Variants in TECPR2 observed in about 807,000 individuals in gnomAD.
The protein encoded by TECPR2 is tectonin beta-propeller repeat-containing protein 2.
In TECPR2, 65 loss-of-function variants were observed where a neutral mutation model predicts 138.1. That is an observed-to-expected ratio of 0.47 (90% confidence interval 0.39 to 0.58). TECPR2 has a LOEUF of 0.58. Among genes scored for constraint, TECPR2 ranks in the 20% least tolerant of loss-of-function variants. The pLI is 0.00. For synonymous variants in TECPR2, 746 were observed against 749.8 expected, an observed-to-expected ratio of 0.99 and a Z score of 0.08; for missense variants, 1,553 against 1,824.5, an observed-to-expected ratio of 0.85 and a Z score of 2.71.
chr14:102,377,238 C>G (rs561667159), intron 2 of TECPR2, among the ~76,000 whole-genome samples: 1 of 152,288 alleles, frequency 6.6e-6, no homozygotes, highest in South Asian at 2.1e-4. Context: ...TCATTGTAGC[C>G]TCAAACTCCT....
In TECPR2 at chr14:102,498,528, G is replaced by A. The variant is rs925528542; in HGVS notation, c.*271G>A. On this transcript the variant is annotated 3_prime_UTR_variant, in exon 20 of 20. Transcript: ENST00000359520. ...GGCTGCATGCACTCCGATTACCCAC[G>A]TGCTGCCGTCCTGGTCTCATCCACA... 2.5e-5 allele frequency: 13 copies of A among 529,074 alleles called. No individual in the cohort carries two copies. The highest frequency in any genetic ancestry group is 4.2e-5 in the South Asian group (2 of 47,886). 32.8% of individuals were successfully genotyped at this position (529,074 alleles called of 1,614,324 possible). A position where few individuals can be genotyped will look rare whatever the true frequency, so the allele number is the denominator to read the frequency against.
At chr14:102,390,700 C>G (rs183833153) in intron 2 of TECPR2, among the ~76,000 whole-genome samples, 9 of 152,026 alleles carry the variant, frequency 5.9e-5, no homozygotes, top group African/African-American at 2.2e-4. Context: ...GCTGTGGGAC[C>G]CTTCCTGAGA....
At chr14:102,428,215 GTTTTTTGTTTTTTT>G (rs1196482827) in intron 6 of TECPR2, 21 bp from the exon 7 acceptor site, 3 of 1,309,498 alleles carry the variant, frequency 2.3e-6, no homozygotes, top group Admixed American at 7.1e-5. Flanking sequence ...TTAGTTTTGT[GTTTTTTGTTTTTTT>G]TTTTTTTTTT....
intron 17 of TECPR2, among the ~76,000 whole-genome samples, chr14:102,485,548 G>T (rs985268816): frequency 2.0e-5 from 3 of 152,118 alleles, no homozygotes; most frequent in Non-Finnish European, 4.4e-5. Context: ...TAGACCACAG[G>T]GTTCTAACGG....
intron 7 of TECPR2, among the ~76,000 whole-genome samples, chr14:102,428,997 G>A (rs911269728): frequency 2.6e-5 from 4 of 152,140 alleles, no homozygotes; most frequent in Admixed American, 2.0e-4. Context: ...ACAGGCATGC[G>A]CCATTATGCC....
In TECPR2 at chr14:102,376,931, C is replaced by T; in HGVS notation, c.210C>T (p.Tyr70=). The change falls in exon 2 of 20, where the codon TAC becomes TAT. Residue 70 remains tyrosine (Y), a synonymous_variant. Transcript: ENST00000359520. ...GGCACCTCAACCAGATGAGGAAGTA[C>T]AACTTTGAGGTGAGCCTTGCTTTGC... is the stretch of plus-strand genomic sequence containing the variant. The part of the protein sequence containing the change: ...YCRHLNQMRK[Y]NFEGKTESIT... 6.2e-7 allele frequency: 1 copy of T among 1,613,362 alleles called. No homozygotes were observed. The highest frequency in any genetic ancestry group is 8.5e-7 in the Non-Finnish European group (1 of 1,179,812).
intron 17 of TECPR2, chr14:102,465,745 C>G: frequency 1.4e-6 from 1 of 734,158 alleles, no homozygotes. Context: ...CAGCCCACTG[C>G]TGGCCAGCTC....
intron 4 of TECPR2, 87 bp downstream of exon 4, chr14:102,408,706 G>C: frequency 7.4e-7 from 1 of 1,353,358 alleles, no homozygotes; most frequent in South Asian, 1.5e-5. Flanking sequence ...TAGTCAACTT[G>C]TATTCTTGAT....
At chr14:102,425,372 T>C in intron 6 of TECPR2, 81 bp downstream of exon 6, 1 of 1,405,438 alleles carries the variant, frequency 7.1e-7, no homozygotes, top group Non-Finnish European at 9.5e-7. Flanking sequence ...CTCAGGGACC[T>C]CAGAATGCTA....
chr14:102,400,555 G>A (rs1327484274), intron 2 of TECPR2, among the ~76,000 whole-genome samples: 1 of 152,184 alleles, frequency 6.6e-6, no homozygotes, highest in Non-Finnish European at 1.5e-5. Context: ...ATTTAAATTA[G>A]TGTTATAACT....
chr14:102,451,093 G>T (rs1001696424), intron 15 of TECPR2, among the ~76,000 whole-genome samples: 3 of 152,238 alleles, frequency 2.0e-5, no homozygotes, highest in Non-Finnish European at 2.9e-5. Flanking sequence ...AGGCAGACCT[G>T]CCCTGCAGCG....
intron 14 of TECPR2, among the ~76,000 whole-genome samples, chr14:102,450,187 A>G (rs1047990683): frequency 6.6e-6 from 1 of 152,232 alleles, no homozygotes; most frequent in Non-Finnish European, 1.5e-5. Flanking sequence ...AAACCTAGTG[A>G]GAGAGAATGG....
In TECPR2 at chr14:102,411,699, CAAAAAAAAAAAAAAAAAA is replaced by C. The variant is rs1173849759; in HGVS notation, c.481-2922_481-2905del. On this transcript the variant is annotated intron_variant, in intron 4 of 19. Coordinates refer to ENST00000359520, the MANE Select transcript of TECPR2 (RefSeq NM_014844.5). ...AGGTGAAATAAACAGCCATGTTGCT[CAAAAAAAAAAAAAAAAAA>C]AAAAAAAAAAAAAAGAAGATGGCTG... 1.2e-3 allele frequency among the ~76,000 whole-genome samples: 55 copies of C among 46,868 alleles called. 1 individual carries two copies. The Admixed American group carries it at 0.017, about 14-fold the overall frequency. The allele number at this position is 46,868 out of a possible 152,430, so 30.7% of individuals were successfully genotyped here.
At chr14:102,446,609 TAAAA>T (rs1208594836) in intron 13 of TECPR2, among the ~76,000 whole-genome samples, 7 of 151,662 alleles carry the variant, frequency 4.6e-5, no homozygotes, top group Non-Finnish European at 1.0e-4. Flanking sequence ...TAAATAAAAA[TAAAA>T]AAGAGAGAGA....
intron 17 of TECPR2, among the ~76,000 whole-genome samples, chr14:102,472,198 C>T (rs1451911829): frequency 1.3e-5 from 2 of 152,232 alleles, no homozygotes; most frequent in Admixed American, 1.3e-4. Flanking sequence ...GGGGCTGGAG[C>T]CACCCTTGCC....
chr14:102,458,953 A>G (rs950215962), intron 16 of TECPR2, among the ~76,000 whole-genome samples: 9 of 111,586 alleles, frequency 8.1e-5, no homozygotes, highest in African/African-American at 3.3e-4. Context: ...CTTAAAAAAA[A>G]AAAAAATACA....
chr14:102,494,319 G>C (rs1891225807), intron 17 of TECPR2, among the ~76,000 whole-genome samples: 1 of 152,218 alleles, frequency 6.6e-6, no homozygotes, highest in Admixed American at 6.5e-5. Context: ...GAGGCAGGCA[G>C]ATCGCTGGAG....
At chr14:102,433,976 G>T (rs1236168903) in intron 8 of TECPR2, among the ~76,000 whole-genome samples, 1 of 152,134 alleles carries the variant, frequency 6.6e-6, no homozygotes, top group Admixed American at 6.6e-5. Context: ...TAAGGAATTG[G>T]TTTGTGACCC....
At chr14:102,389,730 C>T (rs1481710238) in intron 2 of TECPR2, among the ~76,000 whole-genome samples, 4 of 152,192 alleles carry the variant, frequency 2.6e-5, no homozygotes, top group African/African-American at 9.7e-5. Context: ...ATTCTGCTGG[C>T]AGTGTAATTA....
Sources: gnomAD v4.1 joint callset for allele counts (sites outside exome capture counted in the v4.1 genomes callset) on GRCh38, gnomAD v4.1.1 for gene constraint, MANE v1.5 for transcripts, NCBI Gene and HGNC (gene_info 2026-07-23, HGNC 2026-07-21) for gene names.